The following CTDSPL variants were observed in gnomAD, a reference collection of about 807,000 sequenced individuals.
The protein encoded by CTDSPL is CTD small phosphatase like, also known as CTD small phosphatase-like protein.
CTDSPL carries 8 observed loss-of-function variants against 30.5 expected under a neutral mutation model. The observed-to-expected ratio is 0.26, with a 90% CI of 0.15 to 0.47. CTDSPL has a LOEUF of 0.47. Ranked by LOEUF, CTDSPL falls within the 20% of genes least tolerant of loss-of-function variation. The pLI is 0.99. For missense variants in CTDSPL, 248 were observed against 366.1 expected, an observed-to-expected ratio of 0.68 and a Z score of 2.63; for synonymous variants, 110 against 137.9, an observed-to-expected ratio of 0.80 and a Z score of 1.42.
intron 1 of CTDSPL, among the ~76,000 whole-genome samples, chr3:37,871,798 T>C (rs560227186): frequency 3.5e-4 from 54 of 152,336 alleles, no homozygotes; most frequent in Middle Eastern, 6.8e-3. Context: ...CTGAGCTTTT[T>C]TGGTTTTCAG....
intron 1 of CTDSPL, among the ~76,000 whole-genome samples, chr3:37,882,546 G>A (rs1203488192): frequency 3.3e-5 from 5 of 152,004 alleles, no homozygotes; most frequent in Admixed American, 3.3e-4. Context: ...GAACCCAGGA[G>A]GCAGAGGTTG....
intron 3 of CTDSPL, 82 bp from the exon 4 acceptor site, chr3:37,964,488 TA>T: frequency 1.1e-6 from 1 of 878,900 alleles, no homozygotes; most frequent in Non-Finnish European, 1.8e-6. Context: ...ACCAGGCATT[TA>T]AATGTTTGAA....
chr3:37,958,930 A>C (rs535314413), intron 3 of CTDSPL, among the ~76,000 whole-genome samples: 3 of 152,202 alleles, frequency 2.0e-5, no homozygotes, highest in Non-Finnish European at 2.9e-5. Flanking sequence ...TCTGGAATCA[A>C]GTCTTGGGAG....
At chr3:37,921,942 A>T (rs1698721454) in intron 1 of CTDSPL, among the ~76,000 whole-genome samples, 1 of 152,180 alleles carries the variant, frequency 6.6e-6, no homozygotes, top group Non-Finnish European at 1.5e-5. Flanking sequence ...CCCAAAGAGT[A>T]CCCACATAGG....
intron 1 of CTDSPL, among the ~76,000 whole-genome samples, chr3:37,936,783 C>T (rs1199161042): frequency 1.3e-5 from 2 of 151,794 alleles, no homozygotes; most frequent in South Asian, 2.1e-4. Context: ...AAATAGCCTT[C>T]ACTTGGGCAA....
At chr3:37,873,091 A>G (rs1307286115) in intron 1 of CTDSPL, among the ~76,000 whole-genome samples, 1 of 152,144 alleles carries the variant, frequency 6.6e-6, no homozygotes. Context: ...TCCACTGACC[A>G]CTGGGAGAAG....
At chr3:37,900,518 A>AACTTATTTATAAGG (rs1698436938) in intron 1 of CTDSPL, among the ~76,000 whole-genome samples, 1 of 152,220 alleles carries the variant, frequency 6.6e-6, no homozygotes, top group Admixed American at 6.6e-5. Context: ...TTGTTTGAAA[A>AACTTATTTATAAGG]ACTTATTTAT....
intron 1 of CTDSPL, among the ~76,000 whole-genome samples, chr3:37,910,158 T>C (rs887161710): frequency 6.6e-6 from 1 of 152,222 alleles, no homozygotes; most frequent in African/African-American, 2.4e-5. Context: ...CTAGGCCACA[T>C]AGTAACCACA....
intron 1 of CTDSPL, among the ~76,000 whole-genome samples, chr3:37,868,220 T>C (rs186931202): frequency 1.3e-5 from 2 of 152,240 alleles, no homozygotes; most frequent in East Asian, 3.9e-4. Flanking sequence ...TATATCTTCT[T>C]TGATGAGCTG....
chr3:37,935,937 T>G (rs1157907995), intron 1 of CTDSPL, among the ~76,000 whole-genome samples: 1 of 152,138 alleles, frequency 6.6e-6, no homozygotes, highest in African/African-American at 2.4e-5. Context: ...GTACTTTGAG[T>G]CTCTGTTTTC....
Position 37,862,307 on chromosome 3 carries a change from TG to T in CTDSPL, c.79+34del, listed in dbSNP as rs2125584667. On this transcript the variant is annotated intron_variant, in intron 1 of 7. Transcript: ENST00000273179. The surrounding 1 kb of genome is among the most constrained non-coding windows in gnomAD (Gnocchi z 4.3). ...AGGAGGGGCGCAGGCGGCCGCGGGC[TG>T]GGGGCGAGCGCACACCCCGCGCCGC... is the stretch of plus-strand genomic sequence containing the variant. 4.8e-6 allele frequency: 7 copies of T among 1,460,676 alleles called. No homozygotes were observed. The highest frequency in any genetic ancestry group is 2.9e-5 in the East Asian group (1 of 34,842). The allele number at this position is 1,460,676 out of a possible 1,614,324, so 90.5% of individuals were successfully genotyped here.
chr3:37,953,678 G>A (rs907022636), intron 2 of CTDSPL, among the ~76,000 whole-genome samples: 1 of 152,160 alleles, frequency 6.6e-6, no homozygotes, highest in Non-Finnish European at 1.5e-5. Flanking sequence ...AGGATAATTA[G>A]GGGCACTTTA....
At chr3:37,913,841 C>T (rs1208232155) in intron 1 of CTDSPL, among the ~76,000 whole-genome samples, 1 of 152,184 alleles carries the variant, frequency 6.6e-6, no homozygotes, top group African/African-American at 2.4e-5. Context: ...CAAAATGACA[C>T]TTTCTTAATT....
intron 1 of CTDSPL, among the ~76,000 whole-genome samples, chr3:37,886,088 A>G (rs763263861): frequency 1.3e-5 from 2 of 152,130 alleles, no homozygotes; most frequent in Admixed American, 6.5e-5. Flanking sequence ...CTGGTTCCCA[A>G]GTGTCTCTAA....
intron 2 of CTDSPL, among the ~76,000 whole-genome samples, chr3:37,949,856 A>G (rs1699087884): frequency 6.6e-6 from 1 of 152,218 alleles, no homozygotes; most frequent in African/African-American, 2.4e-5. Context: ...TAAGGCCCCC[A>G]GTTTTCCTGA....
intron 1 of CTDSPL, among the ~76,000 whole-genome samples, chr3:37,870,988 G>T (rs1259666887): frequency 1.3e-5 from 2 of 152,002 alleles, no homozygotes; most frequent in Non-Finnish European, 2.9e-5. Flanking sequence ...AGAACATAAG[G>T]GTTCACTCCT....
At chr3:37,915,030 A>G (rs1349646815) in intron 1 of CTDSPL, among the ~76,000 whole-genome samples, 1 of 151,896 alleles carries the variant, frequency 6.6e-6, no homozygotes, top group Non-Finnish European at 1.5e-5. Flanking sequence ...GATTACAGGC[A>G]TGAGCTGCCA....
At chr3:37,877,450 G>A (rs1404244224) in intron 1 of CTDSPL, among the ~76,000 whole-genome samples, 1 of 152,190 alleles carries the variant, frequency 6.6e-6, no homozygotes, top group Non-Finnish European at 1.5e-5. Context: ...TTTTAAGGCT[G>A]AATAGTGGTC....
At chr3:37,878,884 A>G (rs530489922) in intron 1 of CTDSPL, among the ~76,000 whole-genome samples, 2 of 152,332 alleles carry the variant, frequency 1.3e-5, no homozygotes, top group African/African-American at 4.8e-5. Flanking sequence ...TTAAACTGTA[A>G]TTATGCAATA....
Sources: allele counts gnomAD v4.1 joint callset (sites outside exome capture counted in the v4.1 genomes callset), GRCh38; gene constraint gnomAD v4.1.1; non-coding constraint Gnocchi (gnomAD v3.1); transcripts MANE v1.5; gene names NCBI Gene and HGNC (gene_info 2026-07-23, HGNC 2026-07-21).